The following NNMT variants were observed in gnomAD, a reference collection of about 807,000 sequenced individuals.
NNMT encodes the protein nicotinamide N-methyltransferase.
In NNMT, 10 loss-of-function variants were observed where a neutral mutation model predicts 11.7. The ratio of observed to expected loss-of-function variants is 0.85; its 90% confidence interval spans 0.53 to 1.45. The LOEUF (loss-of-function observed/expected upper bound fraction) is 1.45, where lower values mean the gene tolerates loss of function less well. Among genes scored for constraint, NNMT ranks in the 40% most tolerant of loss-of-function variants. The pLI is 0.00. For missense variants in NNMT, 381 were observed against 319.4 expected (o/e 1.19, Z -1.47); for synonymous variants, 143 against 133.8 (o/e 1.07, Z -0.48).
upstream of NNMT, among the ~76,000 whole-genome samples, chr11:114,294,962 A>G (rs1050779553): frequency 6.6e-6 from 1 of 152,194 alleles, no homozygotes; most frequent in African/African-American, 2.4e-5. Flanking sequence ...GGGCCACAAC[A>G]AAAGAGAGAG....
chr11:114,304,033 A>T (rs913547154), intron 2 of NNMT, among the ~76,000 whole-genome samples: 4 of 152,094 alleles, frequency 2.6e-5, no homozygotes, highest in Non-Finnish European at 5.9e-5. Context: ...AATTTCATAC[A>T]CCTTTTTTTT....
intron 1 of NNMT, among the ~76,000 whole-genome samples, chr11:114,261,137 C>G (rs988376867): frequency 6.6e-6 from 1 of 152,200 alleles, no homozygotes; most frequent in Non-Finnish European, 1.5e-5. Context: ...CAGGAGCCCA[C>G]GGAGCCAGGG....
chr11:114,279,759 A>G (rs2135255608), intron 2 of NNMT, among the ~76,000 whole-genome samples: 1 of 152,328 alleles, frequency 6.6e-6, no homozygotes, highest in East Asian at 1.9e-4. Context: ...AGGTACTAAG[A>G]ATGTGAGGAT....
chr11:114,309,970 T>C (rs1945534981), intron 2 of NNMT, among the ~76,000 whole-genome samples: 1 of 152,244 alleles, frequency 6.6e-6, no homozygotes, highest in Admixed American at 6.5e-5. Flanking sequence ...CATTTCTTTT[T>C]GTTGCCAAAT....
intron 1 of NNMT, 61 bp downstream of exon 1, chr11:114,296,771 C>A (rs1945384374): frequency 1.9e-6 from 3 of 1,538,742 alleles, no homozygotes; most frequent in Admixed American, 1.7e-5. Flanking sequence ...AGTCTCAGGG[C>A]ACGACTGGGT....
upstream of NNMT, among the ~76,000 whole-genome samples, chr11:114,294,801 GA>G (rs1000225329): frequency 1.4e-4 from 21 of 150,986 alleles, no homozygotes; most frequent in East Asian, 1.4e-3. Flanking sequence ...AAAGAAAAAA[GA>G]AAAAAAAATC....
intron 2 of NNMT, among the ~76,000 whole-genome samples, chr11:114,280,428 G>T (rs1945251127): frequency 1.3e-5 from 2 of 152,144 alleles, no homozygotes. Flanking sequence ...GCTCTCCAAA[G>T]GTGGAGCAGA....
chr11:114,308,183 T>G (rs751393934), intron 2 of NNMT, among the ~76,000 whole-genome samples: 1 of 152,160 alleles, frequency 6.6e-6, no homozygotes, highest in Non-Finnish European at 1.5e-5. Context: ...CTGATTCGGG[T>G]GTGGGGTGTG....
At position 114,296,608 on chromosome 11, in the gene NNMT, C is replaced by A. The variant is rs141072720; in HGVS notation, c.52C>A (p.Arg18=). The A allele has an allele frequency of 1.5e-5, 25 of 1,614,160 alleles. No individual in the cohort carries two copies. The highest frequency in any genetic ancestry group is 2.7e-5 in the African/African-American group (2 of 75,060). Residue 18 remains arginine, a synonymous_variant, in exon 1 of 3, where the codon CGG becomes AGG. Transcript: ENST00000299964. ...CACCTATCTAAGCCATTTTAACCCT[C>A]GGGATTACCTAGAAAAATATTACAA... The part of the protein sequence containing the change: ...KDTYLSHFNP[R]DYLEKYYKFG...
chr11:114,279,859 G>A (rs1945246466), intron 2 of NNMT, among the ~76,000 whole-genome samples: 1 of 152,206 alleles, frequency 6.6e-6, no homozygotes, highest in South Asian at 2.1e-4. Flanking sequence ...CTAATTTGGG[G>A]GAGATAATGG....
At chr11:114,277,295 G>T (rs1945221166) in intron 2 of NNMT, among the ~76,000 whole-genome samples, 1 of 152,132 alleles carries the variant, frequency 6.6e-6, no homozygotes, top group Non-Finnish European at 1.5e-5. Flanking sequence ...TATCCCCAGG[G>T]TTATCGTAAG....
At chr11:114,280,051 G>T (rs556232669) in intron 2 of NNMT, among the ~76,000 whole-genome samples, 3 of 152,130 alleles carry the variant, frequency 2.0e-5, no homozygotes, top group Admixed American at 6.5e-5. Flanking sequence ...GGGAAACCTC[G>T]ATCAGGAAAC....
At chr11:114,292,039 C>T (rs888178001), upstream of NNMT, among the ~76,000 whole-genome samples, 2 of 152,112 alleles carry the variant, frequency 1.3e-5, no homozygotes, top group Non-Finnish European at 2.9e-5. Flanking sequence ...TAGAGCAGAT[C>T]TTTCTCCTCT....
intron 2 of NNMT, among the ~76,000 whole-genome samples, chr11:114,278,008 A>G (rs1463387512): frequency 1.3e-5 from 2 of 152,164 alleles, no homozygotes; most frequent in African/African-American, 4.8e-5. Context: ...CCCATTACTA[A>G]AAGAAGAAAT....
rs58180722 is a variant in NNMT, at chr11:114,311,294, C to T, written c.363-751C>T. Among the ~76,000 whole-genome samples, 576 of 152,278 alleles carry T rather than the reference C, an allele frequency of 3.8e-3. 4 individuals carry two copies. The highest frequency in any genetic ancestry group is 0.013 in the African/African-American group (545 of 41,546). The stretch of plus-strand genomic sequence containing the variant: ...GCAGTGAGCTGTGATGGCGCCACTG[C>T]GCTCCATCCTGTGCAACAGAACAGG... On this transcript the variant is annotated intron_variant, in intron 2 of 2. Coordinates refer to ENST00000299964, the MANE Select transcript of NNMT (RefSeq NM_006169.3).
chr11:114,259,358 G>A (rs79756833), intron 1 of NNMT, among the ~76,000 whole-genome samples: 2 of 148,932 alleles, frequency 1.3e-5, no homozygotes, highest in Non-Finnish European at 1.5e-5. Context: ...GGGGGGGGGG[G>A]AGCTCCTGCA....
chr11:114,267,833 C>A (rs541106993), intron 2 of NNMT, among the ~76,000 whole-genome samples: 1 of 152,210 alleles, frequency 6.6e-6, no homozygotes, highest in Non-Finnish European at 1.5e-5. Flanking sequence ...CCATTTATAT[C>A]TTTCCAAAAT....
At chr11:114,308,291 A>G (rs757040447) in intron 2 of NNMT, among the ~76,000 whole-genome samples, 6 of 151,990 alleles carry the variant, frequency 3.9e-5, no homozygotes, top group Non-Finnish European at 5.9e-5. Context: ...ACCTGTTTTG[A>G]TGGTTCTTTC....
chr11:114,284,838 C>A (rs1250472346), intron 2 of NNMT, among the ~76,000 whole-genome samples: 1 of 126,346 alleles, frequency 7.9e-6, no homozygotes, highest in Non-Finnish European at 1.6e-5. Flanking sequence ...GGTGTAGTCT[C>A]TGCTAACTGC....
Sources: allele counts gnomAD v4.1 joint callset (sites outside exome capture counted in the v4.1 genomes callset), GRCh38; gene constraint gnomAD v4.1.1; transcripts MANE v1.5; gene names NCBI Gene and HGNC (gene_info 2026-07-23, HGNC 2026-07-21).